The following SPTLC1 variants were observed in gnomAD, a reference collection of about 807,000 sequenced individuals.
The protein encoded by SPTLC1 is serine palmitoyltransferase 1.
SPTLC1 carries 55 observed loss-of-function variants against 68.9 expected under a neutral mutation model. The ratio of observed to expected loss-of-function variants is 0.80; its 90% CI spans 0.64 to 1.00. The LOEUF is 1.00. Among genes scored for constraint, SPTLC1 ranks in the 50% least tolerant of loss-of-function variants. The pLI is 0.00. For synonymous variants in SPTLC1, 197 were observed against 201.6 expected (o/e 0.98, Z 0.19); for missense variants, 449 against 573.1 (o/e 0.78, Z 2.21).
intron 3 of SPTLC1, among the ~76,000 whole-genome samples, chr9:92,090,296 T>A (rs1311445968): frequency 2.0e-5 from 3 of 152,034 alleles, no homozygotes; most frequent in Non-Finnish European, 4.4e-5. Flanking sequence ...CCTGTACTGC[T>A]CAGTAAGGAA....
chr9:92,036,591 G>C (rs1204969187), intron 13 of SPTLC1, among the ~76,000 whole-genome samples: 1 of 152,182 alleles, frequency 6.6e-6, no homozygotes, highest in Non-Finnish European at 1.5e-5. Context: ...CAACACCAGC[G>C]CATGCAGCTC....
intron 5 of SPTLC1, among the ~76,000 whole-genome samples, chr9:92,073,970 T>C (rs1036448489): frequency 6.6e-6 from 1 of 152,206 alleles, no homozygotes; most frequent in Non-Finnish European, 1.5e-5. Flanking sequence ...TGCCCCTGTG[T>C]GGGCCCTCAC....
chr9:92,051,355 A>C (rs1007264881), intron 8 of SPTLC1: 2 of 765,396 alleles, frequency 2.6e-6, no homozygotes, highest in African/African-American at 3.8e-5. Context: ...CATTAGAAGA[A>C]TGTAGGGGGA....
chr9:92,042,686 TA>T (rs1365200009), intron 12 of SPTLC1, among the ~76,000 whole-genome samples: 5 of 152,276 alleles, frequency 3.3e-5, no homozygotes, highest in African/African-American at 1.2e-4. Context: ...CAGTTCCAAT[TA>T]AGATTCTAGC....
chr9:92,078,918 G>A, intron 5 of SPTLC1: 1 of 375,554 alleles, frequency 2.7e-6, no homozygotes, highest in Non-Finnish European at 3.7e-6. Flanking sequence ...AATCACAAAA[G>A]TAAAAAACTT....
intron 12 of SPTLC1, among the ~76,000 whole-genome samples, chr9:92,038,752 G>A (rs1484952409): frequency 6.6e-6 from 1 of 152,192 alleles, no homozygotes; most frequent in Non-Finnish European, 1.5e-5. Context: ...CCCAGCTCCA[G>A]CACTGCCTGC....
At chr9:92,082,424 G>A (rs1220928908) in intron 3 of SPTLC1, among the ~76,000 whole-genome samples, 3 of 125,774 alleles carry the variant, frequency 2.4e-5, no homozygotes, top group East Asian at 2.3e-4. Context: ...AGAGTGTGAT[G>A]TTCCCCTTCC....
At chr9:92,071,724 C>A (rs892830920) in intron 5 of SPTLC1, among the ~76,000 whole-genome samples, 1 of 152,148 alleles carries the variant, frequency 6.6e-6, no homozygotes, top group South Asian at 2.1e-4. Flanking sequence ...GTGACCCACA[C>A]GTACACATCC....
intron 3 of SPTLC1, among the ~76,000 whole-genome samples, chr9:92,088,761 T>C (rs1835250472): frequency 6.6e-6 from 1 of 151,984 alleles, no homozygotes; most frequent in Non-Finnish European, 1.5e-5. Flanking sequence ...GCACTTGGAG[T>C]AGCGAAGGAA....
chr9:92,104,538 G>C, intron 3 of SPTLC1: 3 of 1,433,600 alleles, frequency 2.1e-6, no homozygotes, highest in Non-Finnish European at 2.8e-6. Context: ...CGCAACTCCA[G>C]GATGTTTGGA....
intron 7 of SPTLC1, among the ~76,000 whole-genome samples, chr9:92,058,443 T>G (rs928046357): frequency 6.6e-6 from 1 of 152,232 alleles, no homozygotes; most frequent in African/African-American, 2.4e-5. Flanking sequence ...CATCATGGTG[T>G]CCTGCTCAGA....
chr9:92,090,846 G>C (rs1161200607), intron 3 of SPTLC1, among the ~76,000 whole-genome samples: 3 of 152,122 alleles, frequency 2.0e-5, no homozygotes, highest in Non-Finnish European at 2.9e-5. Context: ...GGCCCAGAAG[G>C]AGACTCTTTT....
At chr9:92,091,643 A>T (rs534287986) in intron 3 of SPTLC1, among the ~76,000 whole-genome samples, 6 of 152,224 alleles carry the variant, frequency 3.9e-5, no homozygotes, top group Non-Finnish European at 8.8e-5. Context: ...TTGGCCAAGA[A>T]ACTCTTTTAA....
chr9:92,091,649 T>C (rs1434613724), intron 3 of SPTLC1, among the ~76,000 whole-genome samples: 1 of 152,236 alleles, frequency 6.6e-6, no homozygotes, highest in East Asian at 1.9e-4. Flanking sequence ...AAGAAACTCT[T>C]TTAAATGCTA....
At chr9:92,050,810 G>GTTTTTTTTTTTT (rs1564088122) in intron 8 of SPTLC1, 2 of 72,240 alleles carry the variant, frequency 2.8e-5, no homozygotes, top group African/African-American at 1.3e-4. Context: ...GCACAATACT[G>GTTTTTTTTTTTT]ATTTTTTTTT....
chr9:92,032,025 G>A lies in SPTLC1; in HGVS notation c.*440C>T, dbSNP rs905192249. 2.4e-6 allele frequency: 1 copy of A among 413,890 alleles called. No individual in the cohort carries two copies. The highest frequency in any genetic ancestry group is 4.0e-5 in the Admixed American group (1 of 24,772). 25.6% of individuals were successfully genotyped at this position (413,890 alleles called of 1,614,324 possible). On this transcript the variant is annotated 3_prime_UTR_variant, in exon 15 of 15. Coordinates refer to ENST00000262554, the MANE Select transcript of SPTLC1 (RefSeq NM_006415.4). ...ATAAATTTGTACCACATATGTTGAA[G>A]TGTTCCTCTTAGCTTTAATGTTGCA...
chr9:92,085,491 C>T (rs1302229097), intron 3 of SPTLC1, among the ~76,000 whole-genome samples: 4 of 151,044 alleles, frequency 2.6e-5, no homozygotes, highest in East Asian at 1.9e-4. Flanking sequence ...GCCTTCATTT[C>T]GTTATGTACC....
chr9:92,105,342 G>C (rs1200635787), intron 3 of SPTLC1: 6 of 1,518,372 alleles, frequency 4.0e-6, no homozygotes, highest in Middle Eastern at 2.3e-4. Context: ...GGCAACATGC[G>C]TAAGAACATG....
intron 8 of SPTLC1, among the ~76,000 whole-genome samples, chr9:92,050,796 GAC>G (rs1475007513): frequency 7.3e-6 from 1 of 136,626 alleles, no homozygotes; most frequent in Non-Finnish European, 1.5e-5. Context: ...CTTAACAAAA[GAC>G]AGCACAATAC....
Sources: allele counts gnomAD v4.1 joint callset (sites outside exome capture counted in the v4.1 genomes callset), GRCh38; gene constraint gnomAD v4.1.1; transcripts MANE v1.5; gene names NCBI Gene and HGNC (gene_info 2026-07-23, HGNC 2026-07-21).